CADPS2: variants seen among roughly 807,000 people sequenced by gnomAD.
The protein encoded by CADPS2 is calcium dependent secretion activator 2, also known as calcium-dependent secretion activator 2.
A neutral mutation model predicts 172.5 loss-of-function variants in CADPS2; 93 were observed. The observed-to-expected ratio is 0.54, with a 90% confidence interval of 0.46 to 0.64. CADPS2 has a LOEUF of 0.64. Among genes scored for constraint, CADPS2 ranks in the 30% least tolerant of loss-of-function variants. The pLI, the probability that CADPS2 is intolerant of heterozygous loss-of-function variation, is 0.00. For missense variants in CADPS2, 1,420 were observed against 1,565.9 expected (o/e 0.91, Z 1.57); for synonymous variants, 546 against 555.2 (o/e 0.98, Z 0.23).
chr7:122,572,890 C>T (rs370883806), intron 7 of CADPS2, among the ~76,000 whole-genome samples: 1 of 152,064 alleles, frequency 6.6e-6, no homozygotes, highest in Non-Finnish European at 1.5e-5. Context: ...GCCATCAATT[C>T]GGATGAAAAA....
At chr7:122,769,438 C>A (rs73719770) in intron 1 of CADPS2, among the ~76,000 whole-genome samples, 2,637 of 152,198 alleles carry the variant, frequency 0.017, 73 homozygotes, top group African/African-American at 0.06. Context: ...TTCACTCCAC[C>A]TCTTTGTGTT....
chr7:122,454,129 A>G (rs2053470958), intron 14 of CADPS2, among the ~76,000 whole-genome samples: 1 of 152,200 alleles, frequency 6.6e-6, no homozygotes, highest in Admixed American at 6.5e-5. Context: ...ATTCTTCCCG[A>G]TAAGTGCAAA....
chr7:122,818,499 C>T (rs568886482), intron 1 of CADPS2, among the ~76,000 whole-genome samples: 10 of 152,248 alleles, frequency 6.6e-5, no homozygotes, highest in African/African-American at 2.4e-4. Context: ...CCTTCTTTCC[C>T]TCCCGCCTGT....
At chr7:122,333,721 T>C (rs1271535038) in intron 28 of CADPS2, among the ~76,000 whole-genome samples, 2 of 152,238 alleles carry the variant, frequency 1.3e-5, no homozygotes, top group Admixed American at 6.5e-5. Flanking sequence ...ATAAAAATAT[T>C]GCACAATGTA....
rs760617818 is a variant in CADPS2 at position 122,393,575 on chromosome 7, C to G, written c.2754G>C (p.Leu918Phe). Residue 918 changes from leucine (L) to phenylalanine (F), a missense_variant, in exon 21 of 30, where the codon TTG becomes TTC. Transcript: ENST00000449022. ...LNNFLRNDTL[L>F]CNGKFHKHLQ... ...AGTGTTTGTGAAATTTTCCATTACA[C>G]AAAAGTGCTGAAATAGCCAAGCAGA... The G allele has an allele frequency of 1.2e-6, 2 of 1,613,642 alleles. No homozygotes were observed. The highest frequency in any genetic ancestry group is 1.7e-6 in the Non-Finnish European group (2 of 1,179,742).
rs550217054 is a variant in CADPS2 at position 122,463,616 on chromosome 7, T to C, written c.2186+7759A>G. Among the ~76,000 whole-genome samples the C allele has an allele frequency of 1.1e-4, 16 of 152,204 alleles. No individual in the cohort carries two copies. The East Asian group carries it at 3.1e-3, about 29-fold the overall frequency. ...TAAACTCTTAGAAAAGAAGAAAAGC[T>C]GGCAAGTAGTGAGTTACACATCTAA... On this transcript the variant is annotated intron_variant, in intron 14 of 29. Transcript: ENST00000449022.
chr7:122,871,819 G>T (rs775470847), intron 1 of CADPS2, among the ~76,000 whole-genome samples: 1 of 152,054 alleles, frequency 6.6e-6, no homozygotes, highest in African/African-American at 2.4e-5. Flanking sequence ...GACCATCCTA[G>T]TTTTCTTCTA....
chr7:122,668,557 AG>A (rs1486713924), intron 2 of CADPS2, among the ~76,000 whole-genome samples: 1 of 152,206 alleles, frequency 6.6e-6, no homozygotes, highest in Non-Finnish European at 1.5e-5. Flanking sequence ...CTAGCAGTCA[AG>A]AGAGGAGACG....
At chr7:122,353,151 T>C (rs897445840) in intron 27 of CADPS2, among the ~76,000 whole-genome samples, 2 of 152,198 alleles carry the variant, frequency 1.3e-5, no homozygotes, top group Non-Finnish European at 2.9e-5. Flanking sequence ...TACTTTTAAA[T>C]ACTATTATCC....
In CADPS2 at chr7:122,473,589, T is replaced by C. The variant is rs891123792; in HGVS notation, c.1998+792A>G. On this transcript the variant is annotated intron_variant, in intron 13 of 29. Coordinates refer to ENST00000449022, the MANE Select transcript of CADPS2 (RefSeq NM_017954.11). ...TGGATAAGGGATAGTCAACCTGTAC[T>C]ATGCTCAGTGTCCAAGAGATTAAAG... is the stretch of plus-strand genomic sequence containing the variant. Among the ~76,000 whole-genome samples the C allele has an allele frequency of 3.3e-5, 5 of 152,236 alleles. 1 individual carries two copies. Among genetic ancestry groups the C allele is most frequent in the African/African-American group, 1.2e-4 (5 of 41,472 alleles).
At chr7:122,700,854 A>G (rs919531690) in intron 2 of CADPS2, among the ~76,000 whole-genome samples, 9 of 152,166 alleles carry the variant, frequency 5.9e-5, no homozygotes, top group African/African-American at 2.2e-4. Context: ...AATGTTTGCA[A>G]TGTTATCCTA....
intron 19 of CADPS2, among the ~76,000 whole-genome samples, chr7:122,411,858 A>G (rs1208106786): frequency 3.3e-5 from 5 of 152,208 alleles, no homozygotes; most frequent in South Asian, 2.1e-4. Flanking sequence ...CTAACTAATC[A>G]TAAGTTTTTT....
intron 2 of CADPS2, chr7:122,701,606 AAAAT>A (rs1268436226): frequency 1.9e-5 from 6 of 322,218 alleles, no homozygotes; most frequent in East Asian, 1.0e-4. Context: ...ATAAATAAAT[AAAAT>A]AAAATTCACC....
intron 8 of CADPS2, among the ~76,000 whole-genome samples, chr7:122,541,816 CATATGTTTAT>C (rs2063073563): frequency 1.4e-5 from 1 of 74,048 alleles, no homozygotes; most frequent in Non-Finnish European, 2.5e-5. Context: ...TTTATATATT[CATATGTTTAT>C]ATATTCATAT....
intron 28 of CADPS2, among the ~76,000 whole-genome samples, chr7:122,340,349 C>T (rs1283315267): frequency 2.6e-5 from 4 of 152,186 alleles, no homozygotes; most frequent in African/African-American, 7.2e-5. Context: ...GATGTGTCTT[C>T]AGCAACATGA....
At chr7:122,420,890 TAAG>T (rs888028112) in intron 17 of CADPS2, 2 of 152,204 alleles carry the variant, frequency 1.3e-5, no homozygotes, top group African/African-American at 4.8e-5. Context: ...TCCATACATT[TAAG>T]AAGAGATCCT....
chr7:122,645,827 T>C (rs1254242362), intron 3 of CADPS2, among the ~76,000 whole-genome samples: 5 of 149,618 alleles, frequency 3.3e-5, no homozygotes, highest in South Asian at 2.1e-4. Flanking sequence ...TGTATATATA[T>C]AAAACAACAG....
chr7:122,546,657 G>T (rs761430172), intron 8 of CADPS2, among the ~76,000 whole-genome samples: 2 of 152,106 alleles, frequency 1.3e-5, no homozygotes, highest in African/African-American at 4.8e-5. Flanking sequence ...CATGTATGAT[G>T]CTTTCTGGTT....
At chr7:122,673,214 A>G (rs1399672680) in intron 2 of CADPS2, among the ~76,000 whole-genome samples, 1 of 152,246 alleles carries the variant, frequency 6.6e-6, no homozygotes, top group Non-Finnish European at 1.5e-5. Context: ...GCGAAAGAAC[A>G]AAGCTTCCAC....
Sources: allele counts gnomAD v4.1 joint callset (sites outside exome capture counted in the v4.1 genomes callset), GRCh38; gene constraint gnomAD v4.1.1; transcripts MANE v1.5; gene names NCBI Gene and HGNC (gene_info 2026-07-23, HGNC 2026-07-21).